CRPPA: variants seen among roughly 807,000 people sequenced by gnomAD.
The protein encoded by CRPPA is CDP-L-ribitol pyrophosphorylase A.
A neutral mutation model predicts 52.0 loss-of-function variants in CRPPA; 43 were observed. That is an observed-to-expected ratio of 0.83 (90% CI 0.65 to 1.07). The LOEUF (loss-of-function observed/expected upper bound fraction) is 1.07. Ranked by LOEUF, CRPPA falls within the 50% of genes least tolerant of loss-of-function variation. The probability of loss-of-function intolerance (pLI) is 0.00; values close to 1 mark genes in which losing one functional copy is unlikely to be tolerated. For missense variants in CRPPA, 629 were observed against 551.7 expected (o/e 1.14, Z -1.40); for synonymous variants, 250 against 203.5 (o/e 1.23, Z -1.94).
At chr7:16,309,463 T>C (rs987983205) in intron 3 of CRPPA, among the ~76,000 whole-genome samples, 5 of 152,156 alleles carry the variant, frequency 3.3e-5, no homozygotes, top group African/African-American at 1.2e-4. Context: ...AACACTTAAT[T>C]CTATGTGACG....
chr7:16,246,649 A>T (rs936317459), intron 8 of CRPPA, among the ~76,000 whole-genome samples: 1 of 152,186 alleles, frequency 6.6e-6, no homozygotes, highest in South Asian at 2.1e-4. Context: ...AGTAACATTA[A>T]TTTTTTTATA....
intron 3 of CRPPA, among the ~76,000 whole-genome samples, chr7:16,338,865 G>C (rs1405543941): frequency 6.7e-6 from 1 of 149,266 alleles, no homozygotes; most frequent in Non-Finnish European, 1.5e-5. Context: ...ACCCAGGCTG[G>C]AGTGCAGTGG....
chr7:16,421,066 C>A lies in CRPPA; in HGVS notation c.257G>T (p.Arg86Ile), dbSNP rs1788321526. The change falls in exon 1 of 10, where the codon AGA (arginine) becomes ATA (isoleucine). Residue 86 changes from arginine to isoleucine, a missense_variant and splice_region_variant. Physicochemically the swap from Arg to Ile is moderately conservative, Grantham distance 97. Coordinates refer to ENST00000407010, the MANE Select transcript of CRPPA (RefSeq NM_001101426.4). ...CGGGGCGCGCCCGGCGCCGCATTACCTCTCCAGGGCCTGTAGGGTGTAGCT... is the reference window on the plus strand; with the variant it reads ...CGGGGCGCGCCCGGCGCCGCATTACATCTCCAGGGCCTGTAGGGTGTAGCT... ...LISYTLQALE[R>I]VCWIKDIVVA... is the part of the protein sequence containing the mutation. 8 of 1,267,266 alleles carry A rather than the reference C, an allele frequency of 6.3e-6. No individual in the cohort carries two copies. Among genetic ancestry groups the A allele is most frequent in the Non-Finnish European group, 8.0e-6 (8 of 998,818 alleles). 78.5% of individuals were successfully genotyped at this position (1,267,266 alleles called of 1,614,324 possible). A position where few individuals can be genotyped will look rare whatever the true frequency, so the allele number is the denominator to read the frequency against.
At chr7:16,334,111 T>C (rs1362675635) in intron 3 of CRPPA, among the ~76,000 whole-genome samples, 4 of 151,858 alleles carry the variant, frequency 2.6e-5, no homozygotes, top group Non-Finnish European at 5.9e-5. Context: ...TCTTGGTGGT[T>C]GCTCTACATT....
intron 5 of CRPPA, among the ~76,000 whole-genome samples, chr7:16,291,621 G>A (rs963443884): frequency 6.6e-6 from 1 of 151,876 alleles, no homozygotes; most frequent in Middle Eastern, 3.4e-3. Flanking sequence ...AGGTTAGTGG[G>A]TACAAACATA....
intron 9 of CRPPA, among the ~76,000 whole-genome samples, chr7:16,143,362 T>C (rs890112447): frequency 2.0e-5 from 3 of 152,128 alleles, no homozygotes; most frequent in Admixed American, 6.5e-5. Flanking sequence ...ACAATGTCAA[T>C]ATTAAAGTCA....
chr7:16,413,269 C>A (rs1035452996), intron 1 of CRPPA, among the ~76,000 whole-genome samples: 1 of 152,170 alleles, frequency 6.6e-6, no homozygotes, highest in Non-Finnish European at 1.5e-5. Context: ...TGAAGGCTCC[C>A]GGTTGTCAGG....
chr7:16,340,537 G>A (rs1785796327), intron 3 of CRPPA, among the ~76,000 whole-genome samples: 1 of 148,472 alleles, frequency 6.7e-6, no homozygotes, highest in African/African-American at 2.5e-5. Context: ...TAAGATAATA[G>A]TTCACATAAT....
At position 16,411,492 on chromosome 7, in the gene CRPPA, G is replaced by C. The variant is rs1270470105; in HGVS notation, c.258-5155C>G. 2.0e-5 allele frequency among the ~76,000 whole-genome samples: 3 copies of C among 151,660 alleles called. No individual in the cohort carries two copies. The East Asian group carries it at 5.8e-4, about 29-fold the overall frequency. On this transcript the variant is annotated intron_variant, in intron 1 of 9. Coordinates refer to ENST00000407010, the MANE Select transcript of CRPPA (RefSeq NM_001101426.4). ...GTTTCTTATAATTTCTTGTAACTCA[G>C]GCAGAAGTAGGCATTCTTTCATGTG... is the stretch of plus-strand genomic sequence containing the variant.
intron 8 of CRPPA, among the ~76,000 whole-genome samples, chr7:16,255,304 T>C (rs1783607229): frequency 6.6e-6 from 1 of 151,938 alleles, no homozygotes; most frequent in South Asian, 2.1e-4. Context: ...ACACAAACGA[T>C]TGGAAGAACA....
intron 9 of CRPPA, among the ~76,000 whole-genome samples, chr7:16,135,914 A>G (rs1331273973): frequency 6.6e-6 from 1 of 152,106 alleles, no homozygotes; most frequent in East Asian, 1.9e-4. Context: ...AGTGTCCTTT[A>G]TTATGTATTT....
chr7:16,139,069 T>C (rs1782816133), intron 9 of CRPPA, among the ~76,000 whole-genome samples: 1 of 152,216 alleles, frequency 6.6e-6, no homozygotes, highest in Admixed American at 6.5e-5. Context: ...CCCAAAGTGC[T>C]GGGATTACAG....
At chr7:16,150,351 T>A (rs1783053148) in intron 9 of CRPPA, among the ~76,000 whole-genome samples, 1 of 152,172 alleles carries the variant, frequency 6.6e-6, no homozygotes, top group Non-Finnish European at 1.5e-5. Flanking sequence ...CCTGTCTAAT[T>A]AAGAAGAATA....
rs1554281202 is a variant in CRPPA, at chr7:16,165,237, AAC to A, written c.1251+50827_1251+50828del. Among the ~76,000 whole-genome samples, 15 of 151,982 alleles carry A rather than the reference AAC, an allele frequency of 9.9e-5. 1 individual carries two copies. In the South Asian group the frequency reaches 3.1e-3, roughly 32 times the overall value. On this transcript the variant is annotated intron_variant, in intron 9 of 9. Coordinates refer to ENST00000407010, the MANE Select transcript of CRPPA (RefSeq NM_001101426.4). The stretch of plus-strand genomic sequence containing the variant: ...CCAACCTCCTCCAAGAAAAAAAAAA[AAC>A]ATTTTGGACATTTTAAATTAATATC...
chr7:16,199,031 C>G (rs2128392933), intron 9 of CRPPA, among the ~76,000 whole-genome samples: 1 of 152,264 alleles, frequency 6.6e-6, no homozygotes, highest in Middle Eastern at 3.4e-3. Flanking sequence ...ACATACACAA[C>G]TAGCCTAAAC....
chr7:16,226,114 T>A (rs1782644746), intron 8 of CRPPA, among the ~76,000 whole-genome samples: 1 of 151,976 alleles, frequency 6.6e-6, no homozygotes, highest in Non-Finnish European at 1.5e-5. Flanking sequence ...AGTAATTATT[T>A]AATAATCTCA....
In CRPPA at chr7:16,091,439, T is replaced by G; in HGVS notation, c.*256A>C. On this transcript the variant is annotated 3_prime_UTR_variant, in exon 10 of 10. Coordinates refer to ENST00000407010, the MANE Select transcript of CRPPA (RefSeq NM_001101426.4). ...TTCATGTCTCTGTGGAAAGATTCATTTGAAGGCTATTATTTTCCACTTATC... is the reference window on the plus strand; with the variant it reads ...TTCATGTCTCTGTGGAAAGATTCATGTGAAGGCTATTATTTTCCACTTATC... The G allele has an allele frequency of 3.1e-6, 1 of 327,114 alleles. No individual in the cohort carries two copies. Among genetic ancestry groups the G allele is most frequent in the South Asian group, 4.2e-5 (1 of 23,938 alleles). 20.3% of individuals were successfully genotyped at this position (327,114 alleles called of 1,614,324 possible). A position where few individuals can be genotyped will look rare whatever the true frequency, so the allele number is the denominator to read the frequency against.
At chr7:16,227,458 G>A (rs540670123) in intron 8 of CRPPA, among the ~76,000 whole-genome samples, 8 of 151,818 alleles carry the variant, frequency 5.3e-5, no homozygotes, top group South Asian at 4.2e-4. Flanking sequence ...TCTCATTGTG[G>A]TTGTGATTTA....
chr7:16,102,462 C>A (rs1782066540), intron 9 of CRPPA, among the ~76,000 whole-genome samples: 1 of 152,114 alleles, frequency 6.6e-6, no homozygotes, highest in East Asian at 1.9e-4. Context: ...CAAATGGGAT[C>A]TAATTAACTA....
Sources: allele counts gnomAD v4.1 joint callset (sites outside exome capture counted in the v4.1 genomes callset), GRCh38; gene constraint gnomAD v4.1.1; transcripts MANE v1.5; gene names NCBI Gene and HGNC (gene_info 2026-07-23, HGNC 2026-07-21).